The following TMPRSS4 variants were observed in gnomAD, a reference collection of about 807,000 sequenced individuals.
The protein encoded by TMPRSS4 is transmembrane protease serine 4.
TMPRSS4 carries 45 observed loss-of-function variants against 56.4 expected under a neutral mutation model. The ratio of observed to expected loss-of-function variants is 0.80; its 90% CI spans 0.63 to 1.02. The LOEUF is 1.02. Among genes scored for constraint, TMPRSS4 ranks in the 50% least tolerant of loss-of-function variants. The pLI is 0.00. For synonymous variants in TMPRSS4, 205 were observed against 211.0 expected, an observed-to-expected ratio of 0.97 and a Z score of 0.25; for missense variants, 546 against 556.7, an observed-to-expected ratio of 0.98 and a Z score of 0.19.
chr11:118,119,232 C>G lies in TMPRSS4; in HGVS notation c.*1319C>G. The G allele has an allele frequency of 1.0e-6, 1 of 985,364 alleles. No individual in the cohort carries two copies. Among genetic ancestry groups the G allele is most frequent in the Non-Finnish European group, 1.2e-6 (1 of 829,910 alleles). 61.0% of individuals were successfully genotyped at this position (985,364 alleles called of 1,614,324 possible). On this transcript the variant is annotated 3_prime_UTR_variant, in exon 13 of 13. Transcript: ENST00000437212. ...GGAGCAATACACTAAAATCTTGGGTCGAGACCTATATGAAGGCTGGCAGTG... is the reference window on the plus strand; with the variant it reads ...GGAGCAATACACTAAAATCTTGGGTGGAGACCTATATGAAGGCTGGCAGTG...
intron 9 of TMPRSS4, among the ~76,000 whole-genome samples, chr11:118,113,683 C>T (rs994627149): frequency 6.6e-6 from 1 of 152,264 alleles, no homozygotes; most frequent in Admixed American, 6.5e-5. Context: ...TGGAGCCCCT[C>T]GAGTGAGAAC....
intron 11 of TMPRSS4, 70 bp from the exon 12 acceptor site, chr11:118,117,235 G>A (rs1947610416): frequency 2.0e-6 from 3 of 1,515,168 alleles, no homozygotes; most frequent in East Asian, 4.5e-5. Context: ...GCCAGTTCAG[G>A]GAGCAGAGAA....
rs1947703135 is a variant in TMPRSS4 at position 118,119,138 on chromosome 11, A to T, written c.*1225A>T. 6 of 985,510 alleles carry T rather than the reference A, an allele frequency of 6.1e-6. No homozygotes were observed. Among genetic ancestry groups the T allele is most frequent in the Non-Finnish European group, 7.2e-6 (6 of 829,966 alleles). 61.0% of individuals were successfully genotyped at this position (985,510 alleles called of 1,614,324 possible). A position where few individuals can be genotyped will look rare whatever the true frequency, so the allele number is the denominator to read the frequency against. ...AAATGCCAAAAACAAAGAAAATAGA[A>T]ACCCAGAAAACAAAACAAAATAAAA... On this transcript the variant is annotated 3_prime_UTR_variant, in exon 13 of 13. Coordinates refer to ENST00000437212, the MANE Select transcript of TMPRSS4 (RefSeq NM_019894.4).
At chr11:118,094,701 C>T in intron 1 of TMPRSS4, 115 bp from the exon 2 acceptor site, 1 of 882,716 alleles carries the variant, frequency 1.1e-6, no homozygotes, top group Non-Finnish European at 1.9e-6. Flanking sequence ...CACAGAGACC[C>T]CCAACGTAGA....
Position 118,103,155 on chromosome 11 carries a change from T to G in TMPRSS4, c.212T>G (p.Ile71Ser). Residue 71 changes from isoleucine to serine, a missense_variant, in exon 4 of 13, where the codon ATC becomes AGC. Physicochemically the swap from Ile to Ser is moderately radical, Grantham distance 142 (BLOSUM62 -2). Transcript: ENST00000437212. ...CTCTGCGGGCAGCCTCTCCACTTCA[T>G]CCCGAGGAAGCAGCTGTGTGACGGA... ...YFLCGQPLHF[I>S]PRKQLCDGEL... 6.2e-7 allele frequency: 1 copy of G among 1,614,184 alleles called. No individual in the cohort carries two copies. Among genetic ancestry groups the G allele is most frequent in the Non-Finnish European group, 8.5e-7 (1 of 1,180,032 alleles).
intron 3 of TMPRSS4, 177 bp from the exon 4 acceptor site, chr11:118,102,924 A>G: frequency 2.7e-6 from 2 of 747,104 alleles, no homozygotes; most frequent in Non-Finnish European, 4.4e-6. Flanking sequence ...TCTCCACTTT[A>G]CAGACAAGGA....
chr11:118,112,536 G>T (rs758333826), intron 8 of TMPRSS4, among the ~76,000 whole-genome samples: 23 of 151,794 alleles, frequency 1.5e-4, no homozygotes, highest in Non-Finnish European at 2.6e-4. Flanking sequence ...GGGACTATAG[G>T]CATGGGCCAC....
intron 1 of TMPRSS4, among the ~76,000 whole-genome samples, chr11:118,090,799 C>T (rs1161959595): frequency 6.8e-6 from 1 of 147,770 alleles, no homozygotes; most frequent in East Asian, 2.0e-4. Context: ...TTCTCTCTCA[C>T]TCTGTCACAC....
At chr11:118,105,438 T>C (rs1328966720) in intron 5 of TMPRSS4, 1 of 151,838 alleles carries the variant, frequency 6.6e-6, no homozygotes, top group East Asian at 1.9e-4. Context: ...TATATAGATA[T>C]ATATTATATC....
intron 1 of TMPRSS4, among the ~76,000 whole-genome samples, chr11:118,079,653 C>T (rs963767786): frequency 3.9e-5 from 6 of 152,198 alleles, no homozygotes; most frequent in African/African-American, 1.4e-4. Flanking sequence ...CTGACGCTTC[C>T]GGCTGCTCTG....
Position 118,118,814 on chromosome 11 carries a change from C to T in TMPRSS4, c.*901C>T, listed in dbSNP as rs1947692537. The T allele has an allele frequency of 1.0e-6, 1 of 985,406 alleles. No homozygotes were observed. The highest frequency in any genetic ancestry group is 1.2e-6 in the Non-Finnish European group (1 of 829,926). 61.0% of individuals were successfully genotyped at this position (985,406 alleles called of 1,614,324 possible). A position where few individuals can be genotyped will look rare whatever the true frequency, so the allele number is the denominator to read the frequency against. ...ATCCACAAGTGGCTGGAAAGAAATG[C>T]TGGTCCTGTGTCCTAACTTTTTCCG... On this transcript the variant is annotated 3_prime_UTR_variant, in exon 13 of 13. Coordinates refer to ENST00000437212, the MANE Select transcript of TMPRSS4 (RefSeq NM_019894.4).
intron 9 of TMPRSS4, among the ~76,000 whole-genome samples, chr11:118,113,643 G>C (rs1378764519): frequency 1.3e-5 from 2 of 152,204 alleles, no homozygotes; most frequent in Admixed American, 6.5e-5. Flanking sequence ...TTCCCTGCCA[G>C]AGATTCTTCC....
intron 2 of TMPRSS4, among the ~76,000 whole-genome samples, chr11:118,096,909 A>G (rs11216742): frequency 0.14 from 2,179 of 16,070 alleles, 358 homozygotes; most frequent in South Asian, 0.24. Flanking sequence ...GAAAGAAAGA[A>G]AGGGAGAGAG....
downstream of TMPRSS4, chr11:118,125,362 CGCTGATGGAGCTACGGTCA>C (rs576847915): frequency 6.8e-4 from 312 of 456,642 alleles, 3 homozygotes; most frequent in African/African-American, 5.9e-3. Context: ...CCAGCTGTAC[CGCTGATGGAGCTACGGTCA>C]GCTCGGCACA....
chr11:118,083,343 C>G (rs1945301037), intron 1 of TMPRSS4, among the ~76,000 whole-genome samples: 1 of 152,222 alleles, frequency 6.6e-6, no homozygotes, highest in African/African-American at 2.4e-5. Flanking sequence ...GCGTGTTCCA[C>G]CCTCTCTTCC....
intron 1 of TMPRSS4, among the ~76,000 whole-genome samples, chr11:118,078,322 C>A (rs910037056): frequency 5.9e-5 from 9 of 152,046 alleles, no homozygotes; most frequent in Admixed American, 5.2e-4. Flanking sequence ...TGCCCAGCCA[C>A]CAAAGTGAAA....
chr11:118,090,051 G>A (rs1005596626), intron 1 of TMPRSS4, among the ~76,000 whole-genome samples: 1 of 152,046 alleles, frequency 6.6e-6, no homozygotes, highest in Non-Finnish European at 1.5e-5. Flanking sequence ...CACCATGTTG[G>A]CCAGGCTGGT....
At chr11:118,123,758 T>C (rs541894973), downstream of TMPRSS4, among the ~76,000 whole-genome samples, 4 of 152,162 alleles carry the variant, frequency 2.6e-5, no homozygotes, top group African/African-American at 4.8e-5. Context: ...TCTCCTGACC[T>C]CGTGATCCGC....
Position 118,118,261 on chromosome 11 carries a change from G to C in TMPRSS4, c.*348G>C, listed in dbSNP as rs1357019612. ...CTGTCTTGTAAAAGCCCAGATCACT[G>C]TGGGCTGGAGAGGAGAAGGAAAGGG... On this transcript the variant is annotated 3_prime_UTR_variant, in exon 13 of 13. Transcript: ENST00000437212. The C allele has an allele frequency of 8.3e-7, 1 of 1,197,980 alleles. No homozygotes were observed. Among genetic ancestry groups the C allele is most frequent in the Non-Finnish European group, 1.0e-6 (1 of 962,856 alleles). The allele number at this position is 1,197,980 out of a possible 1,614,324, so 74.2% of individuals were successfully genotyped here.
Sources: gnomAD v4.1 joint callset for allele counts (sites outside exome capture counted in the v4.1 genomes callset) on GRCh38, gnomAD v4.1.1 for gene constraint, MANE v1.5 for transcripts, NCBI Gene and HGNC (gene_info 2026-07-23, HGNC 2026-07-21) for gene names.